PROX2: variants seen among roughly 807,000 people sequenced by gnomAD.
The protein encoded by PROX2 is prospero homeobox protein 2.
In PROX2, 46 loss-of-function variants were observed where a neutral mutation model predicts 48.9. The ratio of observed to expected loss-of-function variants is 0.94; its 90% CI spans 0.74 to 1.20. The LOEUF (loss-of-function observed/expected upper bound fraction) is 1.20. Among genes scored for constraint, PROX2 ranks in the 50% most tolerant of loss-of-function variants. The pLI is 0.00. For missense variants in PROX2, 663 were observed against 719.4 expected (o/e 0.92, Z 0.90); for synonymous variants, 260 against 276.6 (o/e 0.94, Z 0.60).
intron 1 of PROX2, among the ~76,000 whole-genome samples, chr14:74,871,512 G>A (rs151220102): frequency 2.0e-3 from 306 of 152,136 alleles, no homozygotes; most frequent in Middle Eastern, 3.4e-3. Context: ...GGTAGCTCAC[G>A]CCTGTAATCC....
At chr14:74,859,446 G>A (rs1050430491) in intron 3 of PROX2, 1 of 152,192 alleles carries the variant, frequency 6.6e-6, no homozygotes. Flanking sequence ...GTAAGTGAGT[G>A]AACGGTCAAC....
In PROX2 at chr14:74,868,073, A is replaced by T. The variant is rs73305771; in HGVS notation, c.-175+3030T>A. Among the ~76,000 whole-genome samples the T allele has an allele frequency of 4.6e-3, 696 of 152,106 alleles. 6 individuals carry two copies. The highest frequency in any genetic ancestry group is 0.016 in the African/African-American group (663 of 41,484). ...TTCTGTTTGAAAATTAGCTACTAGCACTCTCATATTCACTGATGGAGGTAG... is the reference window on the plus strand; with the variant it reads ...TTCTGTTTGAAAATTAGCTACTAGCTCTCTCATATTCACTGATGGAGGTAG... On this transcript the variant is annotated intron_variant, in intron 2 of 5. Transcript: ENST00000556489.
At chr14:74,873,711 G>C (rs1883271624) in intron 1 of PROX2, 5 of 455,436 alleles carry the variant, frequency 1.1e-5, no homozygotes, top group Non-Finnish European at 2.2e-5. Flanking sequence ...TAAGGAACTA[G>C]AGAGTCACCT....
chr14:74,868,313 T>TTATATATATATATATATATATA (rs4026383), intron 2 of PROX2, among the ~76,000 whole-genome samples: 1 of 53,780 alleles, frequency 1.9e-5, no homozygotes, highest in Non-Finnish European at 3.8e-5. Flanking sequence ...TTTCTCGTAA[T>TTATATATATATATATATATATA]TATATATATA....
chr14:74,874,212 G>A (rs1275611226), intron 1 of PROX2: 1 of 418,034 alleles, frequency 2.4e-6, no homozygotes, highest in Non-Finnish European at 4.7e-6. Flanking sequence ...AGATAGATAT[G>A]ATTTCAGAGC....
At chr14:74,869,772 T>C (rs1439582005) in intron 2 of PROX2, among the ~76,000 whole-genome samples, 1 of 152,324 alleles carries the variant, frequency 6.6e-6, no homozygotes, top group East Asian at 1.9e-4. Context: ...TAGGTGACAA[T>C]GTTACCTCAT....
rs974513147 is a variant in PROX2, at chr14:74,858,690, G to A, written c.1306-176C>T. The A allele has an allele frequency of 3.7e-5, 21 of 566,816 alleles. No individual in the cohort carries two copies. In the South Asian group the frequency reaches 4.5e-4, roughly 12 times the overall value. 35.1% of individuals were successfully genotyped at this position (566,816 alleles called of 1,614,324 possible). ...TGGTCAAATAAGCTGGATGACATAT[G>A]TGCACAGTTAAGTCACAGAATGTAA... On this transcript the variant is annotated intron_variant, in intron 3 of 5. Coordinates refer to ENST00000556489, the MANE Select transcript of PROX2 (RefSeq NM_001243007.2).
intron 1 of PROX2, among the ~76,000 whole-genome samples, chr14:74,872,792 G>A (rs559655740): frequency 6.6e-6 from 1 of 152,164 alleles, no homozygotes; most frequent in Non-Finnish European, 1.5e-5. Flanking sequence ...CCCTGAACAG[G>A]CTCTCTTCAC....
intron 2 of PROX2, among the ~76,000 whole-genome samples, chr14:74,867,258 CCACTA>C (rs1883086931): frequency 6.6e-6 from 1 of 152,182 alleles, no homozygotes. Flanking sequence ...TCCTTTGGAG[CCACTA>C]CCCTCAACAA....
In PROX2 at chr14:74,863,754, T is replaced by G. The variant is rs1484916373; in HGVS notation, c.81A>C (p.Arg27Ser). 2.6e-6 allele frequency: 4 copies of G among 1,527,632 alleles called. No individual in the cohort carries two copies. Among genetic ancestry groups the G allele is most frequent in the South Asian group, 2.7e-5 (2 of 75,338 alleles). 94.6% of individuals were successfully genotyped at this position (1,527,632 alleles called of 1,614,324 possible). ...TATCCAGCTCTGGAGGGGATGAGCTTCTCTCGCCTTCCGTACAAGCTTCTG... is the reference window on the plus strand; with the variant it reads ...TATCCAGCTCTGGAGGGGATGAGCTGCTCTCGCCTTCCGTACAAGCTTCTG... ...HLAEACTEGE[R>S]SSSPPELDRD... The change falls in exon 3 of 6, where the codon AGA becomes AGC. Residue 27 changes from arginine to serine, a missense_variant. Arg to Ser is a moderately radical substitution (Grantham distance 110). Transcript: ENST00000556489.
chr14:74,854,873 TC>T lies in PROX2; in HGVS notation c.*258del, dbSNP rs1246330538. ...CACCTGGAAACAATGGAGTTGAGCT[TC>T]AAGTCTTCTGATTGGAAACTTGTGT... On this transcript the variant is annotated 3_prime_UTR_variant, in exon 6 of 6. Transcript: ENST00000556489. The T allele has an allele frequency of 4.2e-5, 11 of 264,316 alleles. No homozygotes were observed. The highest frequency in any genetic ancestry group is 5.2e-5 in the Admixed American group (1 of 19,068). The allele number at this position is 264,316 out of a possible 1,614,324, so 16.4% of individuals were successfully genotyped here. A position where few individuals can be genotyped will look rare whatever the true frequency, so the allele number is the denominator to read the frequency against.
intron 1 of PROX2, among the ~76,000 whole-genome samples, 81 bp downstream of exon 1, chr14:74,875,814 A>G (rs950007181): frequency 5.9e-5 from 9 of 152,258 alleles, no homozygotes; most frequent in African/African-American, 2.2e-4. Flanking sequence ...ACTTCTCTGC[A>G]TATTTGACAA....
chr14:74,858,163 T>G (rs2140162882), intron 4 of PROX2: 1 of 368,948 alleles, frequency 2.7e-6, no homozygotes, highest in East Asian at 4.3e-5. Flanking sequence ...GCCCATGTGT[T>G]TCTGTTTTGG....
intron 3 of PROX2, among the ~76,000 whole-genome samples, chr14:74,860,646 T>A (rs1283206596): frequency 6.6e-6 from 1 of 152,128 alleles, no homozygotes; most frequent in Non-Finnish European, 1.5e-5. Context: ...CAGGAATAAA[T>A]CTCTTGGAAT....
rs775957531 is a variant in PROX2 at position 74,863,675 on chromosome 14, C to T, written c.160G>A (p.Glu54Lys). The change falls in exon 3 of 6, where the codon GAA (glutamate) becomes AAA (lysine). Residue 54 changes from glutamate (E) to lysine (K), a missense_variant. Physicochemically the swap from Glu to Lys is moderately conservative, Grantham distance 56. Coordinates refer to ENST00000556489, the MANE Select transcript of PROX2 (RefSeq NM_001243007.2). ...TGGATGTGCTCATCACCAAACCATTCGGGGTCTGTAGGGCTGGAGCTGGGG... is the reference window on the plus strand; with the variant it reads ...TGGATGTGCTCATCACCAAACCATTTGGGGTCTGTAGGGCTGGAGCTGGGG... ...QVPSSSPTDPEWFGDEHIQAK... is the reference protein window; with the variant it reads ...QVPSSSPTDPKWFGDEHIQAK... 18 of 1,558,922 alleles carry T rather than the reference C, an allele frequency of 1.2e-5. No individual in the cohort carries two copies. In the Admixed American group the frequency reaches 1.5e-4, roughly 13 times the overall value.
chr14:74,864,628 G>T (rs1174061762), intron 2 of PROX2, among the ~76,000 whole-genome samples: 4 of 151,914 alleles, frequency 2.6e-5, no homozygotes, highest in African/African-American at 7.3e-5. Context: ...GATCACCTGA[G>T]GTTGGGAGTT....
rs116161605 is a variant in PROX2, at chr14:74,864,090, G to A, written c.-174-82C>T. On this transcript the variant is annotated intron_variant, in intron 2 of 5. Coordinates refer to ENST00000556489, the MANE Select transcript of PROX2 (RefSeq NM_001243007.2). ...ATGTGAATGTGCAAACATTCAACGCGGTCTCGTTAAAGTGTAGATTTCAAT... is the reference window on the plus strand; with the variant it reads ...ATGTGAATGTGCAAACATTCAACGCAGTCTCGTTAAAGTGTAGATTTCAAT... 2.6e-3 allele frequency: 782 copies of A among 302,242 alleles called. 5 individuals are homozygous for A. Among genetic ancestry groups the A allele is most frequent in the African/African-American group, 0.013 (607 of 46,420 alleles). 18.7% of individuals were successfully genotyped at this position (302,242 alleles called of 1,614,324 possible). A position where few individuals can be genotyped will look rare whatever the true frequency, so the allele number is the denominator to read the frequency against.
intron 3 of PROX2, among the ~76,000 whole-genome samples, chr14:74,859,763 A>G (rs796365581): frequency 2.0e-4 from 30 of 152,318 alleles, no homozygotes; most frequent in African/African-American, 6.7e-4. Flanking sequence ...CCAACTGACT[A>G]TGGTTATAGG....
chr14:74,874,253 T>A (rs1883285247), intron 1 of PROX2: 1 of 107,064 alleles, frequency 9.3e-6, no homozygotes. Context: ...TCATACAAGT[T>A]TTTTTTTTTT....
Sources: gnomAD v4.1 joint callset for allele counts (sites outside exome capture counted in the v4.1 genomes callset) on GRCh38, gnomAD v4.1.1 for gene constraint, MANE v1.5 for transcripts, NCBI Gene and HGNC (gene_info 2026-07-23, HGNC 2026-07-21) for gene names.